Variants in LRIG2 observed in about 807,000 individuals in gnomAD.
LRIG2 encodes leucine-rich repeats and immunoglobulin-like domains protein 2.
A neutral mutation model predicts 107.8 loss-of-function variants in LRIG2; 93 were observed. The ratio of observed to expected loss-of-function variants is 0.86; its 90% CI spans 0.73 to 1.03. The LOEUF (loss-of-function observed/expected upper bound fraction) is 1.03. Among genes scored for constraint, LRIG2 ranks in the 50% least tolerant of loss-of-function variants. LRIG2 has a pLI of 0.00. For missense variants in LRIG2, 1,226 were observed against 1,296.0 expected (o/e 0.95, Z 0.83); for synonymous variants, 471 against 470.6 (o/e 1.00, Z -0.01).
intron 1 of LRIG2, among the ~76,000 whole-genome samples, chr1:113,079,487 A>G (rs1043735052): frequency 6.6e-6 from 1 of 151,458 alleles, no homozygotes; most frequent in African/African-American, 2.4e-5. Flanking sequence ...GTTTGAGATC[A>G]GCCTGGCTAA....
intron 4 of LRIG2, 47 bp downstream of exon 4, chr1:113,093,611 T>C: frequency 2.0e-6 from 1 of 498,818 alleles, no homozygotes; most frequent in Non-Finnish European, 3.1e-6. Flanking sequence ...CACATGTTTA[T>C]GGGGACTGTT....
At chr1:113,106,985 T>G (rs1654567048) in intron 11 of LRIG2, among the ~76,000 whole-genome samples, 1 of 152,182 alleles carries the variant, frequency 6.6e-6, no homozygotes, top group Non-Finnish European at 1.5e-5. Context: ...TTTATCTAGA[T>G]TCACCAATTG....
chr1:113,101,410 G>A (rs898427723), intron 11 of LRIG2, among the ~76,000 whole-genome samples: 1 of 152,082 alleles, frequency 6.6e-6, no homozygotes, highest in African/African-American at 2.4e-5. Flanking sequence ...TGCAGTCAGG[G>A]GTAAGAACCA....
rs771847911 is a variant in LRIG2 at position 113,114,643 on chromosome 1, G to T, written c.2297G>T (p.Cys766Phe). 1 of 1,614,000 alleles carries T rather than the reference G, an allele frequency of 6.2e-7. No homozygotes were observed. Among genetic ancestry groups the T allele is most frequent in the Non-Finnish European group, 8.5e-7 (1 of 1,179,998 alleles). ...AGLEDAGKYT[C>F]IMSNTLGTER... is the part of the protein sequence containing the mutation. ...CTAGAAGATGCTGGGAAATATACCT[G>T]CATTATGTCTAACACCCTTGGGACA... Residue 766 changes from cysteine (C) to phenylalanine (F), a missense_variant, in exon 15 of 18, where the codon TGC becomes TTC. This residue lies in a region of LRIG2 where 642 missense variants were observed against 712.2 expected (regional missense o/e 0.90). Coordinates refer to ENST00000361127, the MANE Select transcript of LRIG2 (RefSeq NM_014813.3).
rs766583393 is a variant in LRIG2, at chr1:113,114,769, T to C, written c.2423T>C (p.Ile808Thr). ...HEDDGWTTVG[I>T]VIIVVVCCVV... ...GATGATGGCTGGACCACAGTTGGCA[T>C]TGTCATCATTGTTGTGGTCTGCTGT... The change falls in exon 15 of 18, where the codon ATT (isoleucine) becomes ACT (threonine). Residue 808 changes from isoleucine to threonine, a missense_variant. Ile to Thr is a moderately conservative substitution (Grantham distance 89, BLOSUM62 -1). Transcript: ENST00000361127. 22 of 1,614,088 alleles carry C rather than the reference T, an allele frequency of 1.4e-5. No individual in the cohort carries two copies. In the East Asian group the frequency reaches 2.9e-4, roughly 21 times the overall value.
intron 1 of LRIG2, among the ~76,000 whole-genome samples, chr1:113,084,967 G>A (rs1432669387): frequency 2.0e-5 from 3 of 152,120 alleles, no homozygotes; most frequent in Non-Finnish European, 4.4e-5. Flanking sequence ...AAAAATAAAA[G>A]CAATTTAAGT....
intron 12 of LRIG2, among the ~76,000 whole-genome samples, chr1:113,108,791 CG>C (rs1479968741): frequency 6.6e-6 from 1 of 151,992 alleles, no homozygotes; most frequent in African/African-American, 2.4e-5. Context: ...GCAGGAGAAT[CG>C]CTTGAACCGA....
chr1:113,103,390 A>C (rs533028207), intron 11 of LRIG2: 1 of 152,052 alleles, frequency 6.6e-6, no homozygotes, highest in African/African-American at 2.4e-5. Context: ...TAGTAATTTC[A>C]CATCCACTGA....
intron 14 of LRIG2, 31 bp from the exon 15 acceptor site, chr1:113,114,396 A>AT (rs200615395): frequency 0.13 from 140,173 of 1,072,246 alleles, 24 homozygotes; most frequent in South Asian, 0.14. Flanking sequence ...CTAACTTTTC[A>AT]TTTTTTTTTT....
chr1:113,118,865 C>T (rs555790380), intron 16 of LRIG2, among the ~76,000 whole-genome samples: 4 of 152,194 alleles, frequency 2.6e-5, no homozygotes, highest in South Asian at 2.1e-4. Context: ...GGGGTTTCAC[C>T]GTGTTAGCCA....
chr1:113,085,367 T>C lies in LRIG2; in HGVS notation c.240-5951T>C, dbSNP rs1653500296. On this transcript the variant is annotated intron_variant, in intron 1 of 17. Coordinates refer to ENST00000361127, the MANE Select transcript of LRIG2 (RefSeq NM_014813.3). ...GGTGGGATCTCTGCTCACCGCAACC[T>C]CCGCCTCCCGGGTTCAAGTGATTCT... is the stretch of plus-strand genomic sequence containing the variant. Among the ~76,000 whole-genome samples, 5 of 152,208 alleles carry C rather than the reference T, an allele frequency of 3.3e-5. No individual in the cohort carries two copies. In the South Asian group the frequency reaches 1.0e-3, roughly 31 times the overall value.
intron 11 of LRIG2, among the ~76,000 whole-genome samples, chr1:113,102,358 T>C (rs925069113): frequency 3.3e-5 from 5 of 151,930 alleles, no homozygotes; most frequent in Admixed American, 1.3e-4. Context: ...AACCTCTGCC[T>C]CCCGGGTTCA....
intron 11 of LRIG2, among the ~76,000 whole-genome samples, chr1:113,101,223 C>A (rs1462978242): frequency 6.6e-6 from 1 of 152,128 alleles, no homozygotes; most frequent in African/African-American, 2.4e-5. Context: ...CGCCTGCCAC[C>A]ACACCCGGCT....
rs1394639820 is a variant in LRIG2, at chr1:113,132,172, C to T, written c.*8071C>T. ...CTTAGTATCTGTTTATATTTTGTCACACATCAGAATGTATATTTTATAGAG... is the reference window on the plus strand; with the variant it reads ...CTTAGTATCTGTTTATATTTTGTCATACATCAGAATGTATATTTTATAGAG... On this transcript the variant is annotated 3_prime_UTR_variant, in exon 18 of 18. Coordinates refer to ENST00000361127, the MANE Select transcript of LRIG2 (RefSeq NM_014813.3). The T allele has an allele frequency of 1.3e-5, 2 of 152,038 alleles. No individual in the cohort carries two copies. The highest frequency in any genetic ancestry group is 2.9e-5 in the Non-Finnish European group (2 of 68,024). 9.4% of individuals were successfully genotyped at this position (152,038 alleles called of 1,614,324 possible).
rs1239409545 is a variant in LRIG2, at chr1:113,126,473, T to C, written c.*2372T>C. ...GACTCAGATTGTGGATTTTCCACTT[T>C]CCTCTGTTTTCCCTATTTTCTCCCC... On this transcript the variant is annotated 3_prime_UTR_variant, in exon 18 of 18. Transcript: ENST00000361127. The C allele has an allele frequency of 2.0e-5, 3 of 152,284 alleles. No individual in the cohort carries two copies. Among genetic ancestry groups the C allele is most frequent in the African/African-American group, 7.2e-5 (3 of 41,470 alleles). The allele number at this position is 152,284 out of a possible 1,614,324, so 9.4% of individuals were successfully genotyped here. A position where few individuals can be genotyped will look rare whatever the true frequency, so the allele number is the denominator to read the frequency against.
chr1:113,123,952 C>G lies in LRIG2; in HGVS notation c.3049C>G (p.His1017Asp), dbSNP rs761014591. ...PHPPFSQQPV[H>D]ESPQLHQNEG... ...TCCTCCTTTTTCCCAGCAGCCAGTC[C>G]ATGAGTCACCACAACTTCATCAAAA... Residue 1017 changes from histidine to aspartate, a missense_variant, in exon 18 of 18, where the codon CAT (histidine) becomes GAT (aspartate). Coordinates refer to ENST00000361127, the MANE Select transcript of LRIG2 (RefSeq NM_014813.3). 6.2e-7 allele frequency: 1 copy of G among 1,614,110 alleles called. No individual in the cohort carries two copies. The highest frequency in any genetic ancestry group is 1.1e-5 in the South Asian group (1 of 91,074).
chr1:113,119,984 A>G (rs1655176292), intron 17 of LRIG2, among the ~76,000 whole-genome samples: 1 of 151,632 alleles, frequency 6.6e-6, no homozygotes, highest in Non-Finnish European at 1.5e-5. Flanking sequence ...TAATTTTTGT[A>G]TTTTTAGTAG....
rs1251848442 is a variant in LRIG2, at chr1:113,127,459, T to G, written c.*3358T>G. 6.7e-6 allele frequency: 1 copy of G among 150,102 alleles called. No individual in the cohort carries two copies. Among genetic ancestry groups the G allele is most frequent in the African/African-American group, 2.5e-5 (1 of 40,762 alleles). The allele number at this position is 150,102 out of a possible 1,614,324, so 9.3% of individuals were successfully genotyped here. ...GTTGGCCAGGCTGGTCTTGAACTCCTGACCTCAGGTGATCTGCTTGCCTTG... is the reference window on the plus strand; with the variant it reads ...GTTGGCCAGGCTGGTCTTGAACTCCGGACCTCAGGTGATCTGCTTGCCTTG... On this transcript the variant is annotated 3_prime_UTR_variant, in exon 18 of 18. Transcript: ENST00000361127.
At chr1:113,075,996 C>T (rs1271859614) in intron 1 of LRIG2, among the ~76,000 whole-genome samples, 1 of 150,660 alleles carries the variant, frequency 6.6e-6, no homozygotes, top group Non-Finnish European at 1.5e-5. Flanking sequence ...CAAGCCCGGC[C>T]TGGCCTACTT....
Sources: allele counts gnomAD v4.1 joint callset (sites outside exome capture counted in the v4.1 genomes callset), GRCh38; gene constraint gnomAD v4.1.1; regional missense constraint gnomAD v4.1.1; transcripts MANE v1.5; gene names NCBI Gene and HGNC (gene_info 2026-07-23, HGNC 2026-07-21).